Variants in PTPN4 observed in about 807,000 individuals in gnomAD.
The protein encoded by PTPN4 is tyrosine-protein phosphatase non-receptor type 4.
A neutral mutation model predicts 135.5 loss-of-function variants in PTPN4; 49 were observed. The ratio of observed to expected loss-of-function variants is 0.36; its 90% CI spans 0.29 to 0.46. The LOEUF is 0.46. Among genes scored for constraint, PTPN4 ranks in the 20% least tolerant of loss-of-function variants. The probability of loss-of-function intolerance (pLI) is 1.00; values close to 1 mark genes in which losing one functional copy is unlikely to be tolerated. For synonymous variants in PTPN4, 333 were observed against 369.9 expected, an observed-to-expected ratio of 0.90 and a Z score of 1.14; for missense variants, 860 against 1,101.0, an observed-to-expected ratio of 0.78 and a Z score of 3.10.
chr2:119,818,136 A>G (rs114250625), intron 2 of PTPN4, among the ~76,000 whole-genome samples: 3,170 of 152,208 alleles, frequency 0.021, 60 homozygotes, highest in Non-Finnish European at 0.033. Context: ...CTCTCTTCCT[A>G]TTTGGATACC....
chr2:119,948,451 A>G (rs187852216), intron 18 of PTPN4, among the ~76,000 whole-genome samples: 114 of 152,304 alleles, frequency 7.5e-4, no homozygotes, highest in Non-Finnish European at 2.1e-4. Context: ...AGACTTAAAA[A>G]AAAAGCAGTT....
intron 1 of PTPN4, among the ~76,000 whole-genome samples, chr2:119,778,511 A>C (rs1478863710): frequency 1.3e-5 from 2 of 152,198 alleles, no homozygotes; most frequent in African/African-American, 2.4e-5. Flanking sequence ...TACGTGAATA[A>C]ACAGGTATAT....
At chr2:119,943,706 C>A (rs541277938) in intron 15 of PTPN4, among the ~76,000 whole-genome samples, 124 of 151,118 alleles carry the variant, frequency 8.2e-4, no homozygotes, top group African/African-American at 2.7e-3. Context: ...CTGCCTCAGC[C>A]CCCCCGAGTA....
chr2:119,909,486 A>G (rs1228698492), intron 10 of PTPN4, among the ~76,000 whole-genome samples: 2 of 152,196 alleles, frequency 1.3e-5, no homozygotes, highest in Admixed American at 1.3e-4. Context: ...CCCATTGACA[A>G]TGAATGCACC....
At chr2:119,954,439 C>T (rs1203222883) in intron 19 of PTPN4, among the ~76,000 whole-genome samples, 1 of 152,170 alleles carries the variant, frequency 6.6e-6, no homozygotes, top group African/African-American at 2.4e-5. Context: ...GGGTATTTTC[C>T]ACACATCCGT....
At chr2:119,956,703 G>C (rs76920374) in intron 20 of PTPN4, 141 bp from the exon 21 acceptor site, 17,337 of 1,381,414 alleles carry the variant, frequency 0.013, 257 homozygotes, top group African/African-American at 0.076. Context: ...TACTCTACTA[G>C]ACTATGGTAT....
At chr2:119,812,231 T>C (rs1381123215) in intron 2 of PTPN4, among the ~76,000 whole-genome samples, 5 of 152,134 alleles carry the variant, frequency 3.3e-5, no homozygotes, top group Non-Finnish European at 4.4e-5. Flanking sequence ...TGCAAACTAA[T>C]TGGGGGTTTG....
chr2:119,965,770 T>C, intron 25 of PTPN4, 125 bp downstream of exon 25: 2 of 1,162,120 alleles, frequency 1.7e-6, no homozygotes, highest in Non-Finnish European at 2.4e-6. Context: ...AGCTATGCTC[T>C]GAAGGTAGGA....
intron 22 of PTPN4, among the ~76,000 whole-genome samples, chr2:119,957,882 A>G (rs191108597): frequency 8.6e-4 from 131 of 152,294 alleles, no homozygotes; most frequent in African/African-American, 3.0e-3. Flanking sequence ...ATCAAAATGT[A>G]ATTTTTAAAG....
chr2:119,917,857 A>G (rs1018592517), intron 11 of PTPN4, among the ~76,000 whole-genome samples: 1 of 152,220 alleles, frequency 6.6e-6, no homozygotes, highest in African/African-American at 2.4e-5. Context: ...CGATATACTT[A>G]TCTCTCAGTA....
intron 3 of PTPN4, among the ~76,000 whole-genome samples, chr2:119,866,988 G>A (rs1370492898): frequency 6.6e-6 from 1 of 152,098 alleles, no homozygotes; most frequent in East Asian, 1.9e-4. Flanking sequence ...ATGGCAAAGA[G>A]ACCTGGGGTG....
chr2:119,793,218 C>A (rs1474991956), intron 1 of PTPN4, among the ~76,000 whole-genome samples: 1 of 152,168 alleles, frequency 6.6e-6, no homozygotes, highest in Non-Finnish European at 1.5e-5. Flanking sequence ...GAGGCCTCCC[C>A]CTGGGAATGC....
At chr2:119,825,465 A>G (rs1262160489) in intron 2 of PTPN4, among the ~76,000 whole-genome samples, 3 of 151,132 alleles carry the variant, frequency 2.0e-5, no homozygotes, top group Non-Finnish European at 4.4e-5. Flanking sequence ...GCCACGTGCT[A>G]AGCAGTAGAG....
chr2:119,981,042 T>C lies in PTPN4; in HGVS notation c.*3972T>C, dbSNP rs913808180. Reference sequence around the variant, plus strand: ...CAATGTGCTATTTAATATCTGTATTTTGAACATTTAAAATACTCTGATGGT... The same window carrying C: ...CAATGTGCTATTTAATATCTGTATTCTGAACATTTAAAATACTCTGATGGT... On this transcript the variant is annotated 3_prime_UTR_variant, in exon 27 of 27. Coordinates refer to ENST00000263708, the MANE Select transcript of PTPN4 (RefSeq NM_002830.4). The C allele has an allele frequency of 3.3e-5, 5 of 152,080 alleles. No individual in the cohort carries two copies. The highest frequency in any genetic ancestry group is 1.2e-4 in the African/African-American group (5 of 41,438). The allele number at this position is 152,080 out of a possible 1,614,324, so 9.4% of individuals were successfully genotyped here. A position where few individuals can be genotyped will look rare whatever the true frequency, so the allele number is the denominator to read the frequency against.
intron 2 of PTPN4, among the ~76,000 whole-genome samples, chr2:119,836,068 CAAA>C (rs35095345): frequency 5.6e-5 from 7 of 125,784 alleles, no homozygotes; most frequent in Non-Finnish European, 5.2e-5. Context: ...GTCTCCGTCT[CAAA>C]AAAAAAAAAA....
intron 2 of PTPN4, among the ~76,000 whole-genome samples, chr2:119,818,621 C>T (rs1464404704): frequency 6.6e-6 from 1 of 152,146 alleles, no homozygotes; most frequent in African/African-American, 2.4e-5. Context: ...TATGTGTCCT[C>T]AAAGCCTAAA....
chr2:119,940,670 C>A (rs973589437), intron 15 of PTPN4, among the ~76,000 whole-genome samples: 2 of 151,964 alleles, frequency 1.3e-5, no homozygotes, highest in African/African-American at 4.8e-5. Flanking sequence ...CTATGTTGGC[C>A]AGGCTGGAAA....
At position 119,807,060 on chromosome 2, in the gene PTPN4, C is replaced by T. The variant is rs1269747082; in HGVS notation, c.-17-2777C>T. Among the ~76,000 whole-genome samples, 3 of 152,134 alleles carry T rather than the reference C, an allele frequency of 2.0e-5. No homozygotes were observed. The South Asian group carries it at 6.2e-4, about 31-fold the overall frequency. On this transcript the variant is annotated intron_variant, in intron 1 of 26. Transcript: ENST00000263708. The stretch of plus-strand genomic sequence containing the variant: ...ACAAAGACACAACGTACCAGAATCT[C>T]TGGGACAACTTAAAGCAGTGCGTAG...
intron 5 of PTPN4, 63 bp from the exon 6 acceptor site, chr2:119,881,723 T>G: frequency 8.5e-7 from 1 of 1,179,198 alleles, no homozygotes; most frequent in Non-Finnish European, 1.2e-6. Context: ...GTATACAGTT[T>G]CTTAGAATTG....
Sources: gnomAD v4.1 joint callset for allele counts (sites outside exome capture counted in the v4.1 genomes callset) on GRCh38, gnomAD v4.1.1 for gene constraint, MANE v1.5 for transcripts, NCBI Gene and HGNC (gene_info 2026-07-23, HGNC 2026-07-21) for gene names.